Variants in SETD3 observed in about 807,000 individuals in gnomAD.
SETD3 encodes actin-histidine N-methyltransferase.
SETD3 carries 19 observed loss-of-function variants against 63.0 expected under a neutral mutation model. The observed-to-expected ratio is 0.30, with a 90% CI of 0.21 to 0.44. The LOEUF (loss-of-function observed/expected upper bound fraction) is 0.44, where lower values mean the gene tolerates loss of function less well. Ranked by LOEUF, SETD3 falls within the 20% of genes least tolerant of loss-of-function variation. The probability of loss-of-function intolerance (pLI) is 1.00; values close to 1 mark genes in which losing one functional copy is unlikely to be tolerated. For synonymous variants in SETD3, 286 were observed against 264.1 expected (o/e 1.08, Z -0.80); for missense variants, 587 against 728.5 (o/e 0.81, Z 2.24).
upstream of SETD3, among the ~76,000 whole-genome samples, chr14:99,482,917 A>G (rs141998442): frequency 2.6e-3 from 400 of 152,330 alleles, 2 homozygotes; most frequent in African/African-American, 9.2e-3. Context: ...TTAAAATTGG[A>G]TAAGGACAAA....
At chr14:99,428,650 AAAAG>A (rs1164116177) in intron 6 of SETD3, among the ~76,000 whole-genome samples, 1 of 152,178 alleles carries the variant, frequency 6.6e-6, no homozygotes, top group Non-Finnish European at 1.5e-5. Context: ...GTCTCAAGAA[AAAAG>A]AAAGAAAAAC....
chr14:99,436,039 G>A (rs1215863219), intron 6 of SETD3, among the ~76,000 whole-genome samples: 1 of 152,126 alleles, frequency 6.6e-6, no homozygotes, highest in Non-Finnish European at 1.5e-5. Context: ...TCTTCACAAG[G>A]CAGCAGGAAG....
intron 1 of SETD3, among the ~76,000 whole-genome samples, chr14:99,466,101 G>C (rs1351313662): frequency 6.6e-6 from 1 of 151,976 alleles, no homozygotes; most frequent in Non-Finnish European, 1.5e-5. Context: ...TAATTACATA[G>C]ATTTCACTGT....
At chr14:99,403,111 T>C (rs1444710743) in intron 11 of SETD3, among the ~76,000 whole-genome samples, 1 of 152,156 alleles carries the variant, frequency 6.6e-6, no homozygotes, top group African/African-American at 2.4e-5. Context: ...TGACTGTATC[T>C]CAGTTTGGGT....
chr14:99,483,037 C>T (rs930886681), upstream of SETD3, among the ~76,000 whole-genome samples: 2 of 152,164 alleles, frequency 1.3e-5, no homozygotes, highest in Non-Finnish European at 2.9e-5. Flanking sequence ...TTTATAAAAT[C>T]GTTATTCTTA....
chr14:99,403,455 A>ACACTCT lies in SETD3; in HGVS notation c.1177+769_1177+770insAGAGTG, dbSNP rs1416541957. Among the ~76,000 whole-genome samples the ACACTCT allele has an allele frequency of 1.2e-3, 161 of 135,536 alleles. No homozygotes were observed. In the Middle Eastern group the frequency reaches 0.015, roughly 12 times the overall value. The allele number at this position is 135,536 out of a possible 152,430, so 88.9% of individuals were successfully genotyped here. A position where few individuals can be genotyped will look rare whatever the true frequency, so the allele number is the denominator to read the frequency against. On this transcript the variant is annotated intron_variant, in intron 11 of 12. Coordinates refer to ENST00000331768, the MANE Select transcript of SETD3 (RefSeq NM_032233.3). ...TACACACACACACACACACACACAC[A>ACACTCT]CTCTCTCTCTCTCTCTCTCTCTCTC...
At chr14:99,449,350 A>G (rs1894322840) in intron 6 of SETD3, among the ~76,000 whole-genome samples, 1 of 152,238 alleles carries the variant, frequency 6.6e-6, no homozygotes, top group Non-Finnish European at 1.5e-5. Context: ...GTATCTTTCT[A>G]TAAGGTATTC....
intron 4 of SETD3, among the ~76,000 whole-genome samples, chr14:99,460,535 C>T (rs960447277): frequency 1.3e-5 from 2 of 152,014 alleles, no homozygotes; most frequent in Non-Finnish European, 2.9e-5. Flanking sequence ...TAGCTCCCAT[C>T]GAGAAAAAGG....
At chr14:99,468,365 C>T (rs1895511875) in intron 1 of SETD3, among the ~76,000 whole-genome samples, 2 of 152,128 alleles carry the variant, frequency 1.3e-5, no homozygotes, top group African/African-American at 2.4e-5. Flanking sequence ...CCTGTCCCTG[C>T]TGCTTAAATC....
chr14:99,407,717 C>T (rs1227419912), intron 8 of SETD3, among the ~76,000 whole-genome samples: 1 of 152,114 alleles, frequency 6.6e-6, no homozygotes, highest in African/African-American at 2.4e-5. Context: ...CAGGGAAGCC[C>T]CTCCTTACCC....
chr14:99,483,127 C>T (rs556382452), upstream of SETD3, among the ~76,000 whole-genome samples: 11 of 152,094 alleles, frequency 7.2e-5, no homozygotes, highest in Non-Finnish European at 1.3e-4. Context: ...TAGAACCATT[C>T]GATGGCTCTT....
intron 6 of SETD3, among the ~76,000 whole-genome samples, chr14:99,426,801 G>T (rs1435036626): frequency 2.0e-5 from 3 of 152,144 alleles, no homozygotes; most frequent in African/African-American, 7.2e-5. Flanking sequence ...GGCCTGCCAA[G>T]CTCAGAAAAG....
At chr14:99,460,179 AT>A (rs1323668222) in intron 4 of SETD3, among the ~76,000 whole-genome samples, 7 of 152,194 alleles carry the variant, frequency 4.6e-5, no homozygotes, top group African/African-American at 9.7e-5. Flanking sequence ...TGGAAGCAAG[AT>A]ACTACCATTC....
At chr14:99,437,519 A>C (rs1289351784) in intron 6 of SETD3, among the ~76,000 whole-genome samples, 1 of 152,220 alleles carries the variant, frequency 6.6e-6, no homozygotes, top group African/African-American at 2.4e-5. Flanking sequence ...TGGAAACTAC[A>C]CCAGCACCTC....
intron 1 of SETD3, among the ~76,000 whole-genome samples, chr14:99,472,831 CA>C (rs538041359): frequency 4.6e-5 from 7 of 151,544 alleles, no homozygotes; most frequent in South Asian, 2.1e-4. Flanking sequence ...AAAATAGGAC[CA>C]AAAAAATGAT....
intron 1 of SETD3, among the ~76,000 whole-genome samples, chr14:99,470,601 T>C (rs1438183485): frequency 6.6e-6 from 1 of 152,160 alleles, no homozygotes; most frequent in African/African-American, 2.4e-5. Flanking sequence ...TGGCTGGGTC[T>C]ACCCTGTCCG....
chr14:99,417,913 A>T (rs1892368147), intron 6 of SETD3, among the ~76,000 whole-genome samples: 1 of 152,240 alleles, frequency 6.6e-6, no homozygotes, highest in Non-Finnish European at 1.5e-5. Flanking sequence ...AAAAAAATAT[A>T]TTAGAACACA....
At chr14:99,423,588 CA>C (rs536996347) in intron 6 of SETD3, among the ~76,000 whole-genome samples, 52 of 36,884 alleles carry the variant, frequency 1.4e-3, no homozygotes, top group South Asian at 7.9e-3. Context: ...CACTGTTATG[CA>C]AAAAAAAAAA....
At chr14:99,475,840 A>G (rs7152948) in intron 1 of SETD3, among the ~76,000 whole-genome samples, 149,881 of 152,308 alleles carry the variant, frequency 0.98, 73,788 homozygotes, top group East Asian at 1. Context: ...TCTCAAACAC[A>G]AAGATGATGC....
Sources: allele counts gnomAD v4.1 joint callset (sites outside exome capture counted in the v4.1 genomes callset), GRCh38; gene constraint gnomAD v4.1.1; transcripts MANE v1.5; gene names NCBI Gene and HGNC (gene_info 2026-07-23, HGNC 2026-07-21).